JAKMIP3: variants seen among roughly 807,000 people sequenced by gnomAD.
The protein encoded by JAKMIP3 is Janus kinase and microtubule interacting protein 3, also known as janus kinase and microtubule-interacting protein 3.
In JAKMIP3, 58 loss-of-function variants were observed where a neutral mutation model predicts 118.5. That is an observed-to-expected ratio of 0.49 (90% CI 0.40 to 0.61). The LOEUF (loss-of-function observed/expected upper bound fraction) is 0.61. Ranked by LOEUF, JAKMIP3 falls within the 20% of genes least tolerant of loss-of-function variation. The pLI, the probability that JAKMIP3 is intolerant of heterozygous loss-of-function variation, is 0.00. For synonymous variants in JAKMIP3, 486 were observed against 451.2 expected (o/e 1.08, Z -0.98); for missense variants, 950 against 1,109.0 (o/e 0.86, Z 2.04).
At chr10:132,068,727 T>C (rs1163663569) in intron 1 of JAKMIP3, among the ~76,000 whole-genome samples, 1 of 152,158 alleles carries the variant, frequency 6.6e-6, no homozygotes, top group Non-Finnish European at 1.5e-5. Flanking sequence ...TACTTTCCTT[T>C]GGGGTCCCTC....
At chr10:132,105,402 G>A (rs981177524) in intron 2 of JAKMIP3, among the ~76,000 whole-genome samples, 15 of 152,362 alleles carry the variant, frequency 9.8e-5, no homozygotes, top group South Asian at 2.1e-4. Flanking sequence ...AACAGCACCC[G>A]TTAGCGAATG....
upstream of JAKMIP3, among the ~76,000 whole-genome samples, chr10:132,064,369 G>A (rs1161879646): frequency 6.6e-6 from 1 of 152,180 alleles, no homozygotes; most frequent in African/African-American, 2.4e-5. The surrounding 1 kb of genome is among the most constrained non-coding windows in gnomAD (Gnocchi z 4.4). Flanking sequence ...CACTGCCCTC[G>A]TCAGGAAGGT....
intron 1 of JAKMIP3, among the ~76,000 whole-genome samples, chr10:132,054,107 G>A (rs1196504615): frequency 6.6e-6 from 1 of 151,508 alleles, no homozygotes; most frequent in Non-Finnish European, 1.5e-5. Context: ...TACCACGTCA[G>A]TTTTCAGCTC....
At chr10:132,101,801 CT>C (rs985088979) in intron 1 of JAKMIP3, among the ~76,000 whole-genome samples, 2 of 151,964 alleles carry the variant, frequency 1.3e-5, no homozygotes, top group Non-Finnish European at 2.9e-5. Flanking sequence ...AAAGAACACC[CT>C]TGTGTGGAGG....
intron 1 of JAKMIP3, among the ~76,000 whole-genome samples, chr10:132,081,830 G>A (rs191010386): frequency 6.6e-6 from 1 of 151,902 alleles, no homozygotes; most frequent in Admixed American, 6.6e-5. Context: ...ACCACACGTC[G>A]CTTCCCTACA....
intron 3 of JAKMIP3, among the ~76,000 whole-genome samples, chr10:132,119,478 CA>C (rs1466045398): frequency 1.3e-5 from 2 of 152,152 alleles, no homozygotes; most frequent in Non-Finnish European, 2.9e-5. Flanking sequence ...GCCCTTACTT[CA>C]AAAACCGTCT....
At chr10:132,093,724 G>C (rs958056183) in intron 1 of JAKMIP3, among the ~76,000 whole-genome samples, 1 of 151,252 alleles carries the variant, frequency 6.6e-6, no homozygotes, top group South Asian at 2.1e-4. Context: ...GCTCACGTTC[G>C]GTGGGCTGCA....
intron 2 of JAKMIP3, among the ~76,000 whole-genome samples, chr10:132,108,491 C>T (rs745925794): frequency 1.4e-4 from 21 of 152,060 alleles, no homozygotes; most frequent in African/African-American, 2.9e-4. Flanking sequence ...GGAAAAAGGA[C>T]GGGTGGGACA....
At chr10:132,136,163 G>T in intron 6 of JAKMIP3, 87 bp downstream of exon 6, 3 of 1,443,032 alleles carry the variant, frequency 2.1e-6, no homozygotes, top group Non-Finnish European at 2.9e-6. Context: ...GATTTAGCAT[G>T]ACAGCCGGTC....
At chr10:132,111,910 G>T (rs567211323) in intron 2 of JAKMIP3, among the ~76,000 whole-genome samples, 2 of 152,162 alleles carry the variant, frequency 1.3e-5, no homozygotes, top group African/African-American at 2.4e-5. Flanking sequence ...GGTGGCAGCC[G>T]TGGAGGGGCA....
intron 1 of JAKMIP3, among the ~76,000 whole-genome samples, chr10:132,077,959 G>A (rs2041093788): frequency 6.6e-6 from 1 of 152,178 alleles, no homozygotes; most frequent in East Asian, 1.9e-4. Context: ...CTACAGGCAT[G>A]TGCCACCACA....
In JAKMIP3 at chr10:132,103,463, GA is replaced by G. The variant is rs1419044413; in HGVS notation, c.-137-1208del. On this transcript the variant is annotated intron_variant, in intron 1 of 23. Coordinates refer to ENST00000684848, the MANE Select transcript of JAKMIP3 (RefSeq NM_001323087.2). ...GGGGGAGAGGAGCAGCTGGGGGGGG[GA>G]GGAGCAGCTGGAGGGGAAGAGCACC... Among the ~76,000 whole-genome samples, 260 of 78,174 alleles carry G rather than the reference GA, an allele frequency of 3.3e-3. 2 individuals are homozygous for G. Among genetic ancestry groups the G allele is most frequent in the Non-Finnish European group, 5.5e-3 (213 of 38,416 alleles). The allele number at this position is 78,174 out of a possible 152,430, so 51.3% of individuals were successfully genotyped here. A position where few individuals can be genotyped will look rare whatever the true frequency, so the allele number is the denominator to read the frequency against.
At chr10:132,078,250 T>C (rs1222658573) in intron 1 of JAKMIP3, among the ~76,000 whole-genome samples, 1 of 152,258 alleles carries the variant, frequency 6.6e-6, no homozygotes, top group African/African-American at 2.4e-5. Context: ...CTTTTTGTTG[T>C]ATTTACTGCA....
intron 11 of JAKMIP3, among the ~76,000 whole-genome samples, chr10:132,143,545 T>TA (rs754872477): frequency 7.2e-6 from 1 of 139,486 alleles, no homozygotes; most frequent in African/African-American, 2.5e-5. Flanking sequence ...AAACTGCATG[T>TA]AAAAAAAAGT....
chr10:132,069,323 A>AC lies in JAKMIP3; in HGVS notation c.-138+3267dup, dbSNP rs564167469. Among the ~76,000 whole-genome samples, 48 of 151,758 alleles carry AC rather than the reference A, an allele frequency of 3.2e-4. 3 individuals carry two copies. The East Asian group carries it at 9.1e-3, about 29-fold the overall frequency. ...TGAAGGGACACTGGGTCTGTGTTACACCCCCAAGGACACGTTTTCCCAGGT... is the reference window on the plus strand; with the variant it reads ...TGAAGGGACACTGGGTCTGTGTTACACCCCCCAAGGACACGTTTTCCCAGGT... On this transcript the variant is annotated intron_variant, in intron 1 of 23. Coordinates refer to ENST00000684848, the MANE Select transcript of JAKMIP3 (RefSeq NM_001323087.2).
At chr10:132,127,686 C>T (rs999221036) in intron 3 of JAKMIP3, among the ~76,000 whole-genome samples, 4 of 151,868 alleles carry the variant, frequency 2.6e-5, no homozygotes, top group East Asian at 1.9e-4. Flanking sequence ...TTTTCCCTCC[C>T]TCCCTCGTCT....
chr10:132,147,884 G>T, intron 13 of JAKMIP3, 68 bp from the exon 14 acceptor site: 1 of 1,180,906 alleles, frequency 8.5e-7, no homozygotes, highest in South Asian at 1.4e-5. Flanking sequence ...TCAGCCTGGA[G>T]TTGACCTCCC....
At chr10:132,053,848 CATG>C (rs2038161013) in intron 1 of JAKMIP3, among the ~76,000 whole-genome samples, 2 of 151,928 alleles carry the variant, frequency 1.3e-5, no homozygotes, top group African/African-American at 4.8e-5. Context: ...TCCTGGCTAA[CATG>C]ATGAAACCCT....
intron 2 of JAKMIP3, among the ~76,000 whole-genome samples, chr10:132,106,301 G>A (rs945631904): frequency 1.3e-5 from 2 of 151,956 alleles, no homozygotes; most frequent in African/African-American, 2.4e-5. Flanking sequence ...TTGTGCCACT[G>A]TACTCTAGCC....
Sources: allele counts gnomAD v4.1 joint callset (sites outside exome capture counted in the v4.1 genomes callset), GRCh38; gene constraint gnomAD v4.1.1; non-coding constraint Gnocchi (gnomAD v3.1); transcripts MANE v1.5; gene names NCBI Gene and HGNC (gene_info 2026-07-23, HGNC 2026-07-21).